HSP90AA1: variants seen among roughly 807,000 people sequenced by gnomAD.
HSP90AA1 encodes heat shock protein HSP 90-alpha.
A neutral mutation model predicts 73.3 loss-of-function variants in HSP90AA1; 18 were observed. The ratio of observed to expected loss-of-function variants is 0.25; its 90% CI spans 0.17 to 0.36. The LOEUF (loss-of-function observed/expected upper bound fraction) is 0.36. Among genes scored for constraint, HSP90AA1 ranks in the 10% least tolerant of loss-of-function variants. The probability of loss-of-function intolerance (pLI) is 1.00; values close to 1 mark genes in which losing one functional copy is unlikely to be tolerated. For missense variants in HSP90AA1, 704 were observed against 874.2 expected (o/e 0.81, Z 2.45); for synonymous variants, 477 against 296.9 (o/e 1.61, Z -6.24).
At chr14:102,115,051 G>A (rs1382857793) in intron 1 of HSP90AA1, among the ~76,000 whole-genome samples, 1 of 152,002 alleles carries the variant, frequency 6.6e-6, no homozygotes, top group African/African-American at 2.4e-5. Context: ...GGAAGCTGAG[G>A]CAGGAGAATG....
intron 10 of HSP90AA1, 87 bp from the exon 11 acceptor site, chr14:102,081,908 G>C: frequency 1.2e-6 from 1 of 816,510 alleles, no homozygotes; most frequent in African/African-American, 1.7e-5. Flanking sequence ...CTGCTTTCAA[G>C]ACAGTATTAC....
chr14:102,104,842 G>A (rs896030767), intron 1 of HSP90AA1, among the ~76,000 whole-genome samples: 1 of 151,462 alleles, frequency 6.6e-6, no homozygotes, highest in Non-Finnish European at 1.5e-5. Flanking sequence ...TTGTCTTCCT[G>A]TACCTGGCTT....
intron 1 of HSP90AA1, among the ~76,000 whole-genome samples, chr14:102,106,896 A>G (rs770076977): frequency 4.6e-4 from 70 of 152,104 alleles, no homozygotes; most frequent in Non-Finnish European, 8.7e-4. Flanking sequence ...AGGGAAGTAT[A>G]ATCAGAGATG....
intron 1 of HSP90AA1, among the ~76,000 whole-genome samples, chr14:102,134,717 C>G (rs187521274): frequency 2.6e-5 from 4 of 152,126 alleles, no homozygotes; most frequent in Non-Finnish European, 5.9e-5. Context: ...TGCAAATCTT[C>G]GCGGTGAGTG....
intron 1 of HSP90AA1, among the ~76,000 whole-genome samples, chr14:102,103,295 A>G (rs1291525103): frequency 6.8e-6 from 1 of 147,342 alleles, no homozygotes; most frequent in Non-Finnish European, 1.5e-5. Flanking sequence ...CTGCAGCCTC[A>G]ACCTGCTGGG....
intron 1 of HSP90AA1, among the ~76,000 whole-genome samples, chr14:102,115,938 A>G (rs118146132): frequency 2.0e-4 from 30 of 151,500 alleles, no homozygotes; most frequent in Non-Finnish European, 8.8e-5. Context: ...ATTTTTCTTA[A>G]GTTTAAGACC....
chr14:102,096,392 T>G (rs1366176330), intron 2 of HSP90AA1, among the ~76,000 whole-genome samples: 2 of 152,168 alleles, frequency 1.3e-5, no homozygotes, highest in Non-Finnish European at 2.9e-5. Flanking sequence ...GATTCAACAT[T>G]ACAGCATTCC....
intron 1 of HSP90AA1, among the ~76,000 whole-genome samples, chr14:102,135,763 C>T (rs1056570758): frequency 4.6e-5 from 7 of 152,374 alleles, no homozygotes; most frequent in Admixed American, 4.6e-4. Flanking sequence ...GGTGCTAAGT[C>T]CCTCATTGCC....
chr14:102,135,072 T>C (rs947222137), intron 1 of HSP90AA1, among the ~76,000 whole-genome samples: 26 of 145,132 alleles, frequency 1.8e-4, no homozygotes, highest in South Asian at 6.9e-4. Context: ...GACTGGTGCA[T>C]TCACAAACCT....
intron 1 of HSP90AA1, among the ~76,000 whole-genome samples, chr14:102,135,641 C>T (rs984556551): frequency 5.3e-5 from 8 of 152,246 alleles, no homozygotes; most frequent in African/African-American, 1.9e-4. Flanking sequence ...GGCTGCAGGT[C>T]CCGGAGCCCT....
At chr14:102,111,643 T>C (rs1255244001) in intron 1 of HSP90AA1, among the ~76,000 whole-genome samples, 1 of 152,260 alleles carries the variant, frequency 6.6e-6, no homozygotes, top group African/African-American at 2.4e-5. Context: ...AATATCTTTA[T>C]TCTAAACTCA....
Position 102,083,633 on chromosome 14 carries a change from T to A in HSP90AA1, c.1399A>T (p.Thr467Ser). The change falls in exon 8 of 11, where the codon ACA becomes TCA. Residue 467 changes from threonine (T) to serine (S), a missense_variant. Physicochemically the swap from Thr to Ser is moderately conservative, Grantham distance 58 (BLOSUM62 1). Transcript: ENST00000216281. ...KKLSELLRYY[T>S]SASGDEMVSL... is the part of the protein sequence containing the mutation. ...ACCATCTCATCACCAGAGGCAGATG[T>A]GTAGTACCTTAACAGCTCTGAAAGC... 6.2e-7 allele frequency: 1 copy of A among 1,612,962 alleles called. No individual in the cohort carries two copies. The highest frequency in any genetic ancestry group is 8.5e-7 in the Non-Finnish European group (1 of 1,179,160).
rs117339956 is a variant in HSP90AA1 at position 102,086,918 on chromosome 14, C to G, written c.-1+68G>C. 7,396 of 903,832 alleles carry G rather than the reference C, an allele frequency of 8.2e-3. 34 individuals carry two copies. The highest frequency in any genetic ancestry group is 9.2e-3 in the Non-Finnish European group (6,923 of 755,720). The allele number at this position is 903,832 out of a possible 1,614,324, so 56.0% of individuals were successfully genotyped here. ...TCTGGTCCGGCCCCCACAGCCTCCG[C>G]CCCGCGCCAGCCGCCCCCAGTCCCG... On this transcript the variant is annotated intron_variant, in intron 1 of 10. Transcript: ENST00000216281.
chr14:102,120,338 G>A (rs996291180), intron 1 of HSP90AA1, among the ~76,000 whole-genome samples: 1 of 152,094 alleles, frequency 6.6e-6, no homozygotes, highest in African/African-American at 2.4e-5. Context: ...TATCCTGGGT[G>A]ATGAAGCGAG....
chr14:102,122,815 C>G (rs188061761), intron 1 of HSP90AA1, among the ~76,000 whole-genome samples: 40 of 150,500 alleles, frequency 2.7e-4, no homozygotes, highest in Non-Finnish European at 5.4e-4. Flanking sequence ...TTACAGGTGC[C>G]TGCCACCATG....
chr14:102,082,337 G>A lies in HSP90AA1; in HGVS notation c.1863C>T (p.Asp621=). The change falls in exon 10 of 11, where the codon GAC becomes GAT. Residue 621 remains aspartate (D), a synonymous_variant. Coordinates refer to ENST00000216281, the MANE Select transcript of HSP90AA1 (RefSeq NM_005348.4). ...CTGCCATGTAACCCATTGTTGAGTT[G>A]TCTCTTAGGGCTTGAGCTTTCATGA... ...ERIMKAQALR[D]NSTMGYMAAK... 1 of 1,613,920 alleles carries A rather than the reference G, an allele frequency of 6.2e-7. No individual in the cohort carries two copies. Among genetic ancestry groups the A allele is most frequent in the Middle Eastern group, 1.7e-4 (1 of 6,056 alleles).
At chr14:102,099,380 G>T (rs1164723637) in intron 2 of HSP90AA1, among the ~76,000 whole-genome samples, 1 of 152,154 alleles carries the variant, frequency 6.6e-6, no homozygotes, top group Non-Finnish European at 1.5e-5. Flanking sequence ...CCAACATGGA[G>T]AAACCCCATC....
At chr14:102,124,754 C>A (rs1195522305) in intron 1 of HSP90AA1, among the ~76,000 whole-genome samples, 1 of 152,238 alleles carries the variant, frequency 6.6e-6, no homozygotes, top group East Asian at 1.9e-4. Flanking sequence ...TTTCCAACAT[C>A]TAATCATATA....
intron 1 of HSP90AA1, among the ~76,000 whole-genome samples, chr14:102,134,549 G>C (rs539193498): frequency 1.3e-5 from 2 of 152,152 alleles, no homozygotes; most frequent in Non-Finnish European, 2.9e-5. Context: ...GTTCGGTTGT[G>C]TTCAGAGTTT....
Sources: gnomAD v4.1 joint callset for allele counts (sites outside exome capture counted in the v4.1 genomes callset) on GRCh38, gnomAD v4.1.1 for gene constraint, MANE v1.5 for transcripts, NCBI Gene and HGNC (gene_info 2026-07-23, HGNC 2026-07-21) for gene names.